Variants in ARHGAP18 observed in about 807,000 individuals in gnomAD.
The protein encoded by ARHGAP18 is Rho GTPase activating protein 18, also known as rho GTPase-activating protein 18.
In ARHGAP18, 67 loss-of-function variants were observed where a neutral mutation model predicts 86.2. The ratio of observed to expected loss-of-function variants is 0.78; its 90% CI spans 0.64 to 0.95. The LOEUF is 0.95. ARHGAP18 is among the 40% of genes least tolerant of loss of function. ARHGAP18 has a pLI of 0.00. For synonymous variants in ARHGAP18, 283 were observed against 280.4 expected (o/e 1.01, Z -0.09); for missense variants, 691 against 780.4 (o/e 0.89, Z 1.37).
At chr6:129,692,761 A>T (rs1453158321) in intron 1 of ARHGAP18, among the ~76,000 whole-genome samples, 2 of 152,202 alleles carry the variant, frequency 1.3e-5, no homozygotes, top group Non-Finnish European at 2.9e-5. Flanking sequence ...CAATCCCCGT[A>T]CCTTTGGCTT....
intron 1 of ARHGAP18, among the ~76,000 whole-genome samples, chr6:129,703,999 A>G (rs201359909): frequency 1.5e-4 from 1 of 6,600 alleles, no homozygotes; most frequent in African/African-American, 3.7e-4. Flanking sequence ...TGATCAGGTA[A>G]TAATACACTA....
At chr6:129,623,006 CAAAAAAAA>C (rs57274879) in intron 5 of ARHGAP18, among the ~76,000 whole-genome samples, 3 of 39,742 alleles carry the variant, frequency 7.5e-5, no homozygotes, top group East Asian at 7.1e-4. Flanking sequence ...CATCTCAAAA[CAAAAAAAA>C]AAAAAAAAAA....
At chr6:129,624,973 T>G (rs573242980) in intron 5 of ARHGAP18, among the ~76,000 whole-genome samples, 3 of 113,174 alleles carry the variant, frequency 2.7e-5, no homozygotes, top group Admixed American at 2.3e-4. Context: ...TGATATATAT[T>G]TATATATAAT....
intron 2 of ARHGAP18, among the ~76,000 whole-genome samples, chr6:129,640,357 C>T (rs1464260088): frequency 6.6e-6 from 1 of 152,168 alleles, no homozygotes; most frequent in Admixed American, 6.5e-5. Context: ...CAGCTAATGA[C>T]ATACTTCTAT....
At chr6:129,607,741 T>A in intron 9 of ARHGAP18, 152 bp downstream of exon 9, 1 of 671,708 alleles carries the variant, frequency 1.5e-6, no homozygotes, top group Non-Finnish European at 2.2e-6. Context: ...CAGAAAACAA[T>A]GCATGGCAGC....
chr6:129,688,129 A>G (rs75457925), intron 1 of ARHGAP18, among the ~76,000 whole-genome samples: 4,121 of 152,064 alleles, frequency 0.027, 110 homozygotes, highest in Non-Finnish European at 0.038. Context: ...AGTGGCCTCA[A>G]CCTCTCGTTC....
chr6:129,590,906 A>G (rs1268827851), intron 12 of ARHGAP18, among the ~76,000 whole-genome samples: 1 of 152,188 alleles, frequency 6.6e-6, no homozygotes, highest in Non-Finnish European at 1.5e-5. Context: ...AGAGATTGAG[A>G]GTTTGACTCA....
intron 1 of ARHGAP18, among the ~76,000 whole-genome samples, chr6:129,644,210 G>T (rs1773531756): frequency 6.6e-6 from 1 of 151,962 alleles, no homozygotes; most frequent in African/African-American, 2.4e-5. Flanking sequence ...TAATTCAAGG[G>T]GTACTTCCTC....
intron 6 of ARHGAP18, among the ~76,000 whole-genome samples, chr6:129,616,771 T>C (rs1217086317): frequency 1.3e-5 from 2 of 152,090 alleles, no homozygotes; most frequent in Non-Finnish European, 2.9e-5. Flanking sequence ...CTGGGCAACA[T>C]AGCAAGACTT....
chr6:129,670,648 G>C (rs967497673), intron 1 of ARHGAP18, among the ~76,000 whole-genome samples: 1 of 151,346 alleles, frequency 6.6e-6, no homozygotes, highest in African/African-American at 2.4e-5. Flanking sequence ...ATCAAAAGGA[G>C]ACTCATTCAG....
chr6:129,621,574 C>G (rs1789230100), intron 5 of ARHGAP18, among the ~76,000 whole-genome samples: 1 of 152,184 alleles, frequency 6.6e-6, no homozygotes, highest in Non-Finnish European at 1.5e-5. Flanking sequence ...CCCTTCTGTG[C>G]CTTAGCCTCC....
intron 1 of ARHGAP18, among the ~76,000 whole-genome samples, chr6:129,674,596 T>C (rs1210618877): frequency 1.3e-5 from 2 of 152,354 alleles, no homozygotes; most frequent in Middle Eastern, 3.4e-3. Flanking sequence ...ATGTTGAATC[T>C]ATGCAAGTAA....
At chr6:129,596,110 T>C (rs929694641) in intron 12 of ARHGAP18, among the ~76,000 whole-genome samples, 2 of 152,176 alleles carry the variant, frequency 1.3e-5, no homozygotes, top group Admixed American at 6.6e-5. Flanking sequence ...GGAATCATTT[T>C]AAAACATAGT....
At chr6:129,641,494 T>C (rs185091846) in intron 2 of ARHGAP18, among the ~76,000 whole-genome samples, 85 of 152,278 alleles carry the variant, frequency 5.6e-4, no homozygotes, top group Non-Finnish European at 8.8e-4. Context: ...CAAATGACAA[T>C]GTGGCTACCA....
intron 1 of ARHGAP18, among the ~76,000 whole-genome samples, chr6:129,707,400 C>T (rs1001610036): frequency 2.6e-5 from 4 of 152,174 alleles, no homozygotes; most frequent in South Asian, 2.1e-4. Flanking sequence ...GTTATACTTC[C>T]GTGCTATCTT....
chr6:129,625,785 AAT>A (rs1488118272), intron 5 of ARHGAP18, among the ~76,000 whole-genome samples: 1 of 28,172 alleles, frequency 3.5e-5, no homozygotes, highest in Non-Finnish European at 6.9e-5. Flanking sequence ...TTATATATAT[AAT>A]ATATATTTTT....
chr6:129,625,043 A>AT (rs1491509262), intron 5 of ARHGAP18, among the ~76,000 whole-genome samples: 1 of 80,354 alleles, frequency 1.2e-5, no homozygotes, highest in African/African-American at 5.2e-5. Context: ...ATATTTATAT[A>AT]ATATATATGA....
At chr6:129,707,119 G>C (rs1429747974) in intron 1 of ARHGAP18, among the ~76,000 whole-genome samples, 1 of 151,684 alleles carries the variant, frequency 6.6e-6, no homozygotes, top group African/African-American at 2.4e-5. Context: ...TGTGGTCCCA[G>C]CTACTATAGA....
At chr6:129,646,566 T>C (rs970821120) in intron 1 of ARHGAP18, among the ~76,000 whole-genome samples, 5 of 152,234 alleles carry the variant, frequency 3.3e-5, no homozygotes, top group Non-Finnish European at 7.3e-5. Flanking sequence ...ATATTTTAAA[T>C]GCTATTCACT....
Sources: allele counts gnomAD v4.1 joint callset (sites outside exome capture counted in the v4.1 genomes callset), GRCh38; gene constraint gnomAD v4.1.1; transcripts MANE v1.5; gene names NCBI Gene and HGNC (gene_info 2026-07-23, HGNC 2026-07-21).